Variants in CDH4 observed in about 807,000 individuals in gnomAD.
The protein encoded by CDH4 is cadherin-4.
CDH4 carries 33 observed loss-of-function variants against 86.0 expected under a neutral mutation model. That is an observed-to-expected ratio of 0.38 (90% CI 0.29 to 0.51). CDH4 has a LOEUF of 0.51. CDH4 is among the 20% of genes least tolerant of loss of function. The pLI, the probability that CDH4 is intolerant of heterozygous loss-of-function variation, is 0.86. For missense variants in CDH4, 1,114 were observed against 1,307.4 expected (o/e 0.85, Z 2.28); for synonymous variants, 555 against 549.4 (o/e 1.01, Z -0.14).
chr20:61,932,994 T>C lies in CDH4; in HGVS notation c.2249T>C (p.Leu750Pro), dbSNP rs1240282508. The C allele has an allele frequency of 1.9e-6, 3 of 1,613,188 alleles. No homozygotes were observed. In the Admixed American group the frequency reaches 5.0e-5, roughly 27 times the overall value. ...ICILILLTMV[L>P]LFVMWMKRRE... ...CAGCCCTCCCCCACAGCCATGGTCCTGCTGTTTGTCATGTGGATGAAGCGG... is the reference window on the plus strand; with the variant it reads ...CAGCCCTCCCCCACAGCCATGGTCCCGCTGTTTGTCATGTGGATGAAGCGG... Residue 750 changes from leucine to proline, a missense_variant, in exon 14 of 16, where the codon CTG becomes CCG. Leu to Pro is a moderately conservative substitution (Grantham distance 98). Transcript: ENST00000614565.
intron 3 of CDH4, among the ~76,000 whole-genome samples, chr20:61,751,265 C>T (rs1281869971): frequency 6.6e-6 from 1 of 152,194 alleles, no homozygotes; most frequent in Non-Finnish European, 1.5e-5. Context: ...CACTAAACGC[C>T]AGGTAAAGCC....
chr20:61,313,459 A>C (rs1600857947), intron 2 of CDH4, among the ~76,000 whole-genome samples: 2 of 152,288 alleles, frequency 1.3e-5, no homozygotes, highest in South Asian at 4.1e-4. Flanking sequence ...CGCCCTTGGC[A>C]CGCTTTGTTT....
intron 2 of CDH4, among the ~76,000 whole-genome samples, chr20:61,575,460 G>T (rs1458017592): frequency 1.3e-5 from 2 of 152,190 alleles, no homozygotes; most frequent in African/African-American, 4.8e-5. Context: ...AGTCTATAAT[G>T]GTGGTAGAAA....
chr20:61,633,695 G>A (rs1420902506), intron 2 of CDH4, among the ~76,000 whole-genome samples: 2 of 152,236 alleles, frequency 1.3e-5, no homozygotes, highest in Non-Finnish European at 2.9e-5. Context: ...TTCTTCATCT[G>A]GGAAAGGAAG....
intron 2 of CDH4, among the ~76,000 whole-genome samples, chr20:61,538,404 G>T (rs1467330081): frequency 6.6e-6 from 1 of 152,070 alleles, no homozygotes; most frequent in African/African-American, 2.4e-5. Context: ...GATTTGTTCT[G>T]CTCTGATACA....
chr20:61,934,801 T>C (rs1239815737), intron 15 of CDH4, among the ~76,000 whole-genome samples: 1 of 145,908 alleles, frequency 6.9e-6, no homozygotes, highest in African/African-American at 2.5e-5. Context: ...CTTCCAGGGC[T>C]GCCGCCTGAC....
chr20:61,708,971 G>A lies in CDH4; in HGVS notation c.170-34592G>A, dbSNP rs907859248. On this transcript the variant is annotated intron_variant, in intron 2 of 15. Transcript: ENST00000614565. This position sits in a 1 kb window ranked among gnomAD's most constrained non-coding sequence, Gnocchi z 4.5. ...GGCTGTTCCTTCAGCCAGACGGACG[G>A]GCAGCAGACCTGCTCAGCCCTGCCT... Among the ~76,000 whole-genome samples, 3 of 152,244 alleles carry A rather than the reference G, an allele frequency of 2.0e-5. No individual in the cohort carries two copies. Among genetic ancestry groups the A allele is most frequent in the Admixed American group, 2.0e-4 (3 of 15,288 alleles).
At chr20:61,320,328 A>G (rs1406122772) in intron 2 of CDH4, among the ~76,000 whole-genome samples, 2 of 151,980 alleles carry the variant, frequency 1.3e-5, no homozygotes, top group African/African-American at 4.8e-5. Context: ...CGTGGGTCAG[A>G]CCCAGTGCTA....
At chr20:61,324,530 G>A (rs759551107) in intron 2 of CDH4, among the ~76,000 whole-genome samples, 10 of 152,104 alleles carry the variant, frequency 6.6e-5, no homozygotes, top group East Asian at 1.9e-4. Flanking sequence ...GGCTCATCAC[G>A]TGGCCTCTTC....
At chr20:61,731,515 C>G (rs1183163767) in intron 2 of CDH4, among the ~76,000 whole-genome samples, 1 of 152,178 alleles carries the variant, frequency 6.6e-6, no homozygotes, top group Non-Finnish European at 1.5e-5. Flanking sequence ...GCAGGTCCCC[C>G]CCAGGTGGGG....
intron 4 of CDH4, among the ~76,000 whole-genome samples, chr20:61,816,496 T>C (rs1340879796): frequency 6.6e-6 from 1 of 152,188 alleles, no homozygotes; most frequent in East Asian, 1.9e-4. Flanking sequence ...ACTGGAGTTA[T>C]AAAAAGTAGC....
At chr20:61,608,298 G>T (rs2086659920) in intron 2 of CDH4, among the ~76,000 whole-genome samples, 1 of 152,196 alleles carries the variant, frequency 6.6e-6, no homozygotes, top group African/African-American at 2.4e-5. Context: ...ATGTTATCTA[G>T]AAAGTGTTAA....
intron 3 of CDH4, among the ~76,000 whole-genome samples, chr20:61,767,433 T>C (rs1340773503): frequency 6.6e-6 from 1 of 152,160 alleles, no homozygotes; most frequent in African/African-American, 2.4e-5. Context: ...CCAGAGCAGG[T>C]GTTCCCTGCC....
At chr20:61,384,487 C>T (rs1035724781) in intron 2 of CDH4, among the ~76,000 whole-genome samples, 2 of 152,216 alleles carry the variant, frequency 1.3e-5, no homozygotes, top group Non-Finnish European at 2.9e-5. Flanking sequence ...CATCTGGAAG[C>T]TGGTGACCTG....
Position 61,799,879 on chromosome 20 carries a change from G to A in CDH4, c.576+26697G>A, listed in dbSNP as rs536272102. ...AGCCTCATAACACCACGGTCCCTGC[G>A]GGGCCTCGAGTGGGGCCTCTGCAGT... On this transcript the variant is annotated intron_variant, in intron 4 of 15. Transcript: ENST00000614565. Among the ~76,000 whole-genome samples, 21 of 152,296 alleles carry A rather than the reference G, an allele frequency of 1.4e-4. No homozygotes were observed. In the South Asian group the frequency reaches 2.3e-3, roughly 17 times the overall value.
rs1269097946 is a variant in CDH4, at chr20:61,754,621, ACACACACCACACACACACGCCC to A, written c.396+10845_396+10866del. ...GAACACCACACACACGGTGCACGGC[ACACACACCACACACACACGCCC>A]CACACACCACACGCACACACGCCCC... On this transcript the variant is annotated intron_variant, in intron 3 of 15. Transcript: ENST00000614565. The surrounding 1 kb of genome is among the most constrained non-coding windows in gnomAD (Gnocchi z 4.7). Among the ~76,000 whole-genome samples, 4 of 142,630 alleles carry A rather than the reference ACACACACCACACACACACGCCC, an allele frequency of 2.8e-5. No individual in the cohort carries two copies. The highest frequency in any genetic ancestry group is 6.1e-5 in the African/African-American group (2 of 32,546). The allele number at this position is 142,630 out of a possible 152,430, so 93.6% of individuals were successfully genotyped here.
intron 2 of CDH4, among the ~76,000 whole-genome samples, chr20:61,258,583 A>G (rs1030114921): frequency 4.6e-5 from 7 of 152,180 alleles, no homozygotes; most frequent in African/African-American, 1.4e-4. Flanking sequence ...TCATTTCAGG[A>G]TGTTCTTGGC....
chr20:61,469,797 C>T (rs1357150783), intron 2 of CDH4, among the ~76,000 whole-genome samples: 2 of 152,120 alleles, frequency 1.3e-5, no homozygotes, highest in Non-Finnish European at 2.9e-5. Context: ...GTTTTCCCAG[C>T]ACCATTTATT....
intron 2 of CDH4, among the ~76,000 whole-genome samples, chr20:61,682,654 G>A (rs538541816): frequency 7.9e-4 from 121 of 152,244 alleles, no homozygotes; most frequent in African/African-American, 2.8e-3. Flanking sequence ...ACTCATTAAT[G>A]ATAAAGCAAT....
Sources: gnomAD v4.1 joint callset for allele counts (sites outside exome capture counted in the v4.1 genomes callset) on GRCh38, gnomAD v4.1.1 for gene constraint, Gnocchi (gnomAD v3.1) non-coding constraint, MANE v1.5 for transcripts, NCBI Gene and HGNC (gene_info 2026-07-23, HGNC 2026-07-21) for gene names.